Variants in ZAN observed in about 807,000 individuals in gnomAD.
ZAN encodes zonadhesin.
In ZAN, 260 loss-of-function variants were observed where a neutral mutation model predicts 286.2. The observed-to-expected ratio is 0.91, with a 90% CI of 0.82 to 1.01. The LOEUF (loss-of-function observed/expected upper bound fraction) is 1.01. Among genes scored for constraint, ZAN ranks in the 50% least tolerant of loss-of-function variants. The pLI is 0.00. For missense variants in ZAN, 3,410 were observed against 3,639.2 expected, an observed-to-expected ratio of 0.94 and a Z score of 1.62; for synonymous variants, 1,368 against 1,417.5, an observed-to-expected ratio of 0.97 and a Z score of 0.79.
chr7:100,768,951 C>T (rs1810197691), intron 27 of ZAN, among the ~76,000 whole-genome samples: 1 of 152,178 alleles, frequency 6.6e-6, no homozygotes, highest in African/African-American at 2.4e-5. Context: ...TTAGTGATCT[C>T]TTTGGAGGGC....
In ZAN at chr7:100,794,173, C is replaced by G. The variant is rs749851893; in HGVS notation, c.8040C>G (p.Ser2680Arg). Residue 2680 changes from serine (S) to arginine (R), a missense_variant, in exon 44 of 48, where the codon AGC becomes AGG. By Grantham distance (110) the Ser-to-Arg change is moderately radical. This residue lies in a region of ZAN where 1,289 missense variants were observed against 1,314.3 expected (regional missense o/e 0.98). Coordinates refer to ENST00000613979, the MANE Select transcript of ZAN (RefSeq NM_003386.3). ...EDCSQRCTCA[S>R]SRILLCEPFS... ...GCTCTCAGCGGTGCACCTGTGCCAG[C>G]TCACGGATCCTGCTGTGTGAGCCCT... 5.0e-6 allele frequency: 8 copies of G among 1,614,024 alleles called. No individual in the cohort carries two copies. Among genetic ancestry groups the G allele is most frequent in the Non-Finnish European group, 6.8e-6 (8 of 1,179,894 alleles).
At chr7:100,759,699 C>G in intron 17 of ZAN, 22 bp from the exon 18 acceptor site, 1 of 1,571,902 alleles carries the variant, frequency 6.4e-7, no homozygotes, top group Non-Finnish European at 8.6e-7. Context: ...ACTGGGCTCT[C>G]TTCATTCCTC....
intron 24 of ZAN, 59 bp downstream of exon 24, chr7:100,766,725 A>G: frequency 6.5e-7 from 1 of 1,530,948 alleles, no homozygotes; most frequent in Non-Finnish European, 8.8e-7. Flanking sequence ...AGGCAAGGTG[A>G]TGGGTCCTGC....
Position 100,795,320 on chromosome 7 carries a change from A to G in ZAN, c.8250A>G (p.Pro2750=). 6.3e-7 allele frequency: 1 copy of G among 1,588,506 alleles called. No homozygotes were observed. Among genetic ancestry groups the G allele is most frequent in the Non-Finnish European group, 8.6e-7 (1 of 1,164,858 alleles). ...TGTGTATGGAGCCTCGAGATGCGCC[A>G]CCTCCCAGAAAGCCAGGTGAGGGCA... ...GGLCMEPRDA[P]PPRKPASNLV... The change falls in exon 45 of 48, where the codon CCA becomes CCG. Residue 2750 remains proline (P), a synonymous_variant. Transcript: ENST00000613979.
Position 100,766,672 on chromosome 7 carries a change from C to T in ZAN, c.4612+6C>T. 13 of 1,564,954 alleles carry T rather than the reference C, an allele frequency of 8.3e-6. No individual in the cohort carries two copies. Among genetic ancestry groups the T allele is most frequent in the Non-Finnish European group, 1.1e-5 (13 of 1,154,730 alleles). The stretch of plus-strand genomic sequence containing the variant: ...CTATGGCTGCCATGCCCAAGGTGAG[C>T]CATCAGGGTGGAAGGTGAGCTGGGG... On this transcript the variant is annotated splice_donor_region_variant and intron_variant, in intron 24 of 47. Transcript: ENST00000613979.
intron 40 of ZAN, among the ~76,000 whole-genome samples, chr7:100,791,389 CCTT>C (rs1811947230): frequency 1.3e-5 from 2 of 152,004 alleles, no homozygotes; most frequent in East Asian, 1.9e-4. Context: ...TCTTCCTCCT[CCTT>C]CTCCTCCTCC....
At chr7:100,773,570 G>A (rs1810539404) in intron 30 of ZAN, 77 bp downstream of exon 30, 5 of 1,568,114 alleles carry the variant, frequency 3.2e-6, no homozygotes, top group Non-Finnish European at 4.3e-6. Flanking sequence ...AGGAGAGGCA[G>A]GAGGAAGGCT....
Position 100,783,763 on chromosome 7 carries a change from A to AATATATATATATAT in ZAN, c.6623-852_6623-839dup, listed in dbSNP as rs1554409733. On this transcript the variant is annotated intron_variant, in intron 35 of 47. Transcript: ENST00000613979. ...AAAAAAAAAAAAAAAAAAAAAAAAA[A>AATATATATATATAT]ATATATATATATATATATATACACA... Among the ~76,000 whole-genome samples the AATATATATATATAT allele has an allele frequency of 7.2e-3, 54 of 7,468 alleles. 1 individual carries two copies. Among genetic ancestry groups the AATATATATATATAT allele is most frequent in the African/African-American group, 0.028 (51 of 1,854 alleles). 4.9% of individuals were successfully genotyped at this position (7,468 alleles called of 152,430 possible). A position where few individuals can be genotyped will look rare whatever the true frequency, so the allele number is the denominator to read the frequency against.
rs956617006 is a variant in ZAN at position 100,736,315 on chromosome 7, T to G, written c.107-168T>G. 1.4e-5 allele frequency among the ~76,000 whole-genome samples: 2 copies of G among 142,434 alleles called. 1 individual carries two copies. The highest frequency in any genetic ancestry group is 5.1e-5 in the African/African-American group (2 of 39,144). 93.4% of individuals were successfully genotyped at this position (142,434 alleles called of 152,430 possible). ...GCCTCCTGGGTTCAAGCGATTCTCTTGCCTCAGCCTCCCCAGTAGCTGGGA... is the reference window on the plus strand; with the variant it reads ...GCCTCCTGGGTTCAAGCGATTCTCTGGCCTCAGCCTCCCCAGTAGCTGGGA... On this transcript the variant is annotated intron_variant, in intron 3 of 47. Coordinates refer to ENST00000613979, the MANE Select transcript of ZAN (RefSeq NM_003386.3).
chr7:100,782,516 A>C (rs1811257651), intron 35 of ZAN, among the ~76,000 whole-genome samples: 1 of 152,028 alleles, frequency 6.6e-6, no homozygotes, highest in African/African-American at 2.4e-5. Context: ...TTTTTAGTAG[A>C]GATGGGGTTT....
Position 100,797,601 on chromosome 7 carries a change from A to T in ZAN, c.8391A>T (p.Arg2797Ser). Residue 2797 changes from arginine (R) to serine (S), a missense_variant, in exon 47 of 48, where the codon AGA becomes AGT. This residue lies in a region of ZAN where 1,289 missense variants were observed against 1,314.3 expected (regional missense o/e 0.98). Transcript: ENST00000613979. Reference protein sequence around the residue: ...RKREKTQEGDRLARLVDTDTV... With the variant: ...RKREKTQEGDSLARLVDTDTV... ...GAGAGAAAACGCAGGAGGGAGACAG[A>T]CTGGCCAGGCTGGTGGACACAGGTG... The T allele has an allele frequency of 1.2e-6, 2 of 1,613,906 alleles. No homozygotes were observed. The highest frequency in any genetic ancestry group is 1.7e-6 in the Non-Finnish European group (2 of 1,179,872).
At chr7:100,764,638 G>A (rs766019358) in intron 22 of ZAN, among the ~76,000 whole-genome samples, 18 of 151,764 alleles carry the variant, frequency 1.2e-4, no homozygotes, top group Admixed American at 3.9e-4. Context: ...GCAGTGAGCC[G>A]AGATTGCACC....
chr7:100,733,912 C>T (rs924762488), intron 1 of ZAN, 115 bp from the exon 2 acceptor site: 19 of 331,376 alleles, frequency 5.7e-5, no homozygotes, highest in Non-Finnish European at 9.2e-5. Flanking sequence ...AACCTGTTTC[C>T]TTTTTGTTTC....
Position 100,768,599 on chromosome 7 carries a change from C to T in ZAN, c.5042-11C>T, listed in dbSNP as rs569056525. On this transcript the variant is annotated splice_polypyrimidine_tract_variant and intron_variant, in intron 26 of 47. Coordinates refer to ENST00000613979, the MANE Select transcript of ZAN (RefSeq NM_003386.3). ...CCCCTTCTTGCCTGTTTTAATGACT[C>T]CCTCCTCTAGGGAACTACAACAACA... 1.3e-6 allele frequency: 2 copies of T among 1,591,544 alleles called. No homozygotes were observed. Among genetic ancestry groups the T allele is most frequent in the Middle Eastern group, 1.7e-4 (1 of 5,996 alleles).
chr7:100,748,293 C>T (rs1213715613), intron 10 of ZAN, 31 bp from the exon 11 acceptor site: 1 of 1,613,910 alleles, frequency 6.2e-7, no homozygotes, highest in Admixed American at 1.7e-5. Context: ...CGTCACTCAA[C>T]TTGCTCAAAT....
intron 7 of ZAN, among the ~76,000 whole-genome samples, chr7:100,738,864 C>CTCTTCTTCTTCTTCTTCT (rs201544312): frequency 1.3e-5 from 1 of 79,278 alleles, no homozygotes; most frequent in Non-Finnish European, 3.1e-5. Flanking sequence ...CTTTCTCTTC[C>CTCTTCTTCTTCTTCTTCT]TCTTCTTCTT....
At chr7:100,771,819 T>C in intron 28 of ZAN, 25 bp from the exon 29 acceptor site, 2 of 1,595,922 alleles carry the variant, frequency 1.3e-6, no homozygotes, top group Non-Finnish European at 1.7e-6. Context: ...CTCCCCTGGC[T>C]CATCTGCCTT....
chr7:100,754,110 A>G (rs929733221), intron 14 of ZAN, among the ~76,000 whole-genome samples: 1 of 152,020 alleles, frequency 6.6e-6, no homozygotes, highest in Non-Finnish European at 1.5e-5. Context: ...CACTGAGTGT[A>G]ATGTTTTCCG....
chr7:100,738,146 G>A (rs1246962628), intron 6 of ZAN, among the ~76,000 whole-genome samples: 4 of 139,526 alleles, frequency 2.9e-5, no homozygotes, highest in South Asian at 2.2e-4. Context: ...TAGTAGAGCC[G>A]GGGTTTCATT....
Sources: gnomAD v4.1 joint callset for allele counts (sites outside exome capture counted in the v4.1 genomes callset) on GRCh38, gnomAD v4.1.1 for gene constraint, gnomAD v4.1.1 regional missense constraint, MANE v1.5 for transcripts, NCBI Gene and HGNC (gene_info 2026-07-23, HGNC 2026-07-21) for gene names.